LYST: variants seen among roughly 807,000 people sequenced by gnomAD.
LYST encodes the protein lysosomal-trafficking regulator.
In LYST, 192 loss-of-function variants were observed where a neutral mutation model predicts 413.6. The observed-to-expected ratio is 0.46, with a 90% CI of 0.41 to 0.52. LYST has a LOEUF of 0.52. Among genes scored for constraint, LYST ranks in the 20% least tolerant of loss-of-function variants. The probability of loss-of-function intolerance (pLI) is 0.00; values close to 1 mark genes in which losing one functional copy is unlikely to be tolerated. For synonymous variants in LYST, 1,525 were observed against 1,567.3 expected, an observed-to-expected ratio of 0.97 and a Z score of 0.64; for missense variants, 3,815 against 4,499.9, an observed-to-expected ratio of 0.85 and a Z score of 4.35.
chr1:235,839,295 C>T (rs564437830), intron 1 of LYST, among the ~76,000 whole-genome samples: 20 of 150,682 alleles, frequency 1.3e-4, no homozygotes, highest in Admixed American at 5.3e-4. Flanking sequence ...CTCGCTCTGT[C>T]GCCCAGGATG....
At chr1:235,820,482 G>A (rs536891915) in intron 3 of LYST, among the ~76,000 whole-genome samples, 27 of 151,506 alleles carry the variant, frequency 1.8e-4, no homozygotes, top group Non-Finnish European at 2.5e-4. Context: ...CGATCCTCCC[G>A]CCCCAGCCTC....
intron 10 of LYST, among the ~76,000 whole-genome samples, chr1:235,796,892 G>C (rs1273014653): frequency 6.6e-6 from 1 of 152,138 alleles, no homozygotes; most frequent in Admixed American, 6.5e-5. Flanking sequence ...TAATACATTA[G>C]CCTTCAGGGG....
At chr1:235,699,729 C>T (rs1037213326) in intron 45 of LYST, among the ~76,000 whole-genome samples, 2 of 152,202 alleles carry the variant, frequency 1.3e-5, no homozygotes, top group African/African-American at 4.8e-5. Context: ...TCCACAGCCT[C>T]ACCAGCATCC....
intron 14 of LYST, among the ~76,000 whole-genome samples, chr1:235,786,266 GA>G (rs938901503): frequency 1.3e-5 from 2 of 151,472 alleles, no homozygotes. Flanking sequence ...TGACCAATAG[GA>G]AAAAAAAGTC....
intron 32 of LYST, 44 bp downstream of exon 32, chr1:235,734,439 A>T (rs536540053): frequency 3.4e-6 from 5 of 1,457,084 alleles, no homozygotes; most frequent in Non-Finnish European, 4.8e-6. Flanking sequence ...TTCTTTATCT[A>T]TGATGGAATC....
chr1:235,684,844 G>C (rs1168866414), intron 48 of LYST, among the ~76,000 whole-genome samples: 5 of 151,838 alleles, frequency 3.3e-5, no homozygotes, highest in African/African-American at 9.7e-5. Flanking sequence ...GCCCAGGCTG[G>C]TCTCAAATTT....
At chr1:235,882,077 T>TACACACACACACACACACACAC (rs1558377526) in intron 1 of LYST, among the ~76,000 whole-genome samples, 4 of 102,000 alleles carry the variant, frequency 3.9e-5, no homozygotes, top group African/African-American at 1.8e-4. Context: ...CACTCTTTCT[T>TACACACACACACACACACACAC]TCACACACAC....
chr1:235,677,649 A>C, intron 48 of LYST, 30 bp from the exon 49 acceptor site: 1 of 1,581,252 alleles, frequency 6.3e-7, no homozygotes. Flanking sequence ...TATGAGATAA[A>C]AACCACAACA....
chr1:235,666,299 G>A lies in LYST; in HGVS notation c.11039-1678C>T, dbSNP rs150259778. 2.5e-3 allele frequency among the ~76,000 whole-genome samples: 362 copies of A among 143,080 alleles called. 3 individuals are homozygous for A. The highest frequency in any genetic ancestry group is 9.2e-3 in the African/African-American group (352 of 38,454). 93.9% of individuals were successfully genotyped at this position (143,080 alleles called of 152,430 possible). On this transcript the variant is annotated intron_variant, in intron 50 of 52. Coordinates refer to ENST00000389793, the MANE Select transcript of LYST (RefSeq NM_000081.4). ...TTCTTTAGCCGTAAAAAGGAATGAAGCATGCGAAAACATGGATGAACCCTG... is the reference window on the plus strand; with the variant it reads ...TTCTTTAGCCGTAAAAAGGAATGAAACATGCGAAAACATGGATGAACCCTG...
chr1:235,688,934 G>C (rs1224712483), intron 47 of LYST, among the ~76,000 whole-genome samples: 1 of 150,862 alleles, frequency 6.6e-6, no homozygotes, highest in African/African-American at 2.4e-5. Context: ...GCAGTGAGCC[G>C]AGATCGCACC....
chr1:235,702,767 C>G lies in LYST; in HGVS notation c.10354G>C (p.Val3452Leu). Residue 3452 changes from valine to leucine, a missense_variant, in exon 45 of 53, where the codon GTC becomes CTC. Transcript: ENST00000389793. ...QFAFRETREQ[V>L]KEITYPSPLS... ...CATACCGGATAGGTGATTTCTTTGA[C>G]CTGTTCTCGGGTCTCCCTGAAAGCA... is the stretch of plus-strand genomic sequence containing the variant. The G allele has an allele frequency of 6.2e-7, 1 of 1,614,124 alleles. No individual in the cohort carries two copies. The highest frequency in any genetic ancestry group is 8.5e-7 in the Non-Finnish European group (1 of 1,179,980).
intron 5 of LYST, among the ~76,000 whole-genome samples, chr1:235,807,544 G>T: frequency 6.6e-6 from 1 of 152,082 alleles, no homozygotes; most frequent in East Asian, 1.9e-4. Context: ...TGACTGTAAG[G>T]CATTGATTTA....
intron 39 of LYST, among the ~76,000 whole-genome samples, chr1:235,721,259 CA>C (rs552585136): frequency 1.9e-3 from 291 of 152,238 alleles, no homozygotes; most frequent in Middle Eastern, 3.4e-3. Flanking sequence ...GTAGAAACAG[CA>C]CGGTCTTCTG....
intron 45 of LYST, among the ~76,000 whole-genome samples, chr1:235,702,022 A>C (rs962900082): frequency 1.3e-5 from 2 of 152,096 alleles, no homozygotes; most frequent in Admixed American, 6.5e-5. Flanking sequence ...TTTGAGATAC[A>C]CTGAGTTATT....
chr1:235,684,867 G>A (rs929273940), intron 48 of LYST, among the ~76,000 whole-genome samples: 1 of 151,956 alleles, frequency 6.6e-6, no homozygotes, highest in African/African-American at 2.4e-5. Flanking sequence ...GGGCTCAAGC[G>A]ATCTTCTTGT....
intron 17 of LYST, among the ~76,000 whole-genome samples, chr1:235,776,420 T>C (rs751133295): frequency 3.7e-4 from 57 of 152,182 alleles, no homozygotes; most frequent in Non-Finnish European, 5.1e-4. Flanking sequence ...AAAACGAAGA[T>C]GGCATTCCGA....
At chr1:235,828,530 A>G (rs1175504396) in intron 3 of LYST, 1 of 156,470 alleles carries the variant, frequency 6.4e-6, no homozygotes, top group East Asian at 1.9e-4. Context: ...TATGTTTATA[A>G]TATTGATTCT....
chr1:235,738,256 C>A lies in LYST; in HGVS notation c.8358+3166G>T, dbSNP rs564101395. 5.3e-5 allele frequency: 85 copies of A among 1,611,138 alleles called. No individual in the cohort carries two copies. In the African/African-American group the frequency reaches 9.6e-4, roughly 18 times the overall value. On this transcript the variant is annotated intron_variant, in intron 31 of 52. Coordinates refer to ENST00000389793, the MANE Select transcript of LYST (RefSeq NM_000081.4). ...GTCTCTGGCAAAGACTATACTGTAA[C>A]TGTAAACTCCAAGCTGGTCACTATC...
intron 7 of LYST, among the ~76,000 whole-genome samples, chr1:235,803,948 G>A (rs1672531503): frequency 6.6e-6 from 1 of 151,824 alleles, no homozygotes; most frequent in African/African-American, 2.4e-5. Flanking sequence ...AAATGAGAGG[G>A]AAACAAGCCA....
Sources: gnomAD v4.1 joint callset for allele counts (sites outside exome capture counted in the v4.1 genomes callset) on GRCh38, gnomAD v4.1.1 for gene constraint, MANE v1.5 for transcripts, NCBI Gene and HGNC (gene_info 2026-07-23, HGNC 2026-07-21) for gene names.